Variants in PDCD1LG2 observed in about 807,000 individuals in gnomAD.
PDCD1LG2 encodes the protein programmed cell death 1 ligand 2.
In PDCD1LG2, 32 loss-of-function variants were observed where a neutral mutation model predicts 28.2. That is an observed-to-expected ratio of 1.13 (90% CI 0.86 to 1.52). The LOEUF (loss-of-function observed/expected upper bound fraction) is 1.52, where lower values mean the gene tolerates loss of function less well. Ranked by LOEUF, PDCD1LG2 falls within the 40% of genes most tolerant of loss-of-function variation. PDCD1LG2 has a pLI of 0.00. For missense variants in PDCD1LG2, 385 were observed against 323.8 expected, an observed-to-expected ratio of 1.19 and a Z score of -1.45; for synonymous variants, 116 against 120.2, an observed-to-expected ratio of 0.97 and a Z score of 0.23.
intron 5 of PDCD1LG2, among the ~76,000 whole-genome samples, chr9:5,561,606 C>G (rs934636500): frequency 6.6e-6 from 1 of 152,208 alleles, no homozygotes. Context: ...CATTGACTTG[C>G]TGAGCCAATG....
intron 5 of PDCD1LG2, 70 bp downstream of exon 5, chr9:5,557,822 C>T (rs2129923748): frequency 1.3e-6 from 2 of 1,568,616 alleles, no homozygotes; most frequent in Non-Finnish European, 1.8e-6. Context: ...CTTTGCACTG[C>T]AGGCCTATGG....
intron 3 of PDCD1LG2, 89 bp from the exon 4 acceptor site, chr9:5,549,246 A>C: frequency 1.6e-6 from 2 of 1,234,112 alleles, no homozygotes; most frequent in East Asian, 2.3e-5. Context: ...TGATAGTGAT[A>C]ATTTTATTCA....
At chr9:5,526,420 A>AT (rs924643713) in intron 2 of PDCD1LG2, among the ~76,000 whole-genome samples, 1 of 152,122 alleles carries the variant, frequency 6.6e-6, no homozygotes, top group Non-Finnish European at 1.5e-5. Flanking sequence ...TATGCCCTTT[A>AT]TTTTTACCTT....
intron 6 of PDCD1LG2, among the ~76,000 whole-genome samples, chr9:5,568,490 C>T (rs568200520): frequency 4.6e-5 from 7 of 152,260 alleles, no homozygotes; most frequent in African/African-American, 1.7e-4. Flanking sequence ...GAAACTATAG[C>T]CTACCCCCAC....
chr9:5,525,874 T>C (rs147662134), intron 2 of PDCD1LG2, among the ~76,000 whole-genome samples: 14,633 of 151,612 alleles, frequency 0.097, 893 homozygotes, highest in African/African-American at 0.15. Context: ...TGGTGAAACC[T>C]CGTCTCTACA....
rs564032630 is a variant in PDCD1LG2 at position 5,551,444 on chromosome 9, A to G, written c.631+1840A>G. ...AGGGTAATATAAGAGTATATTATCA[A>G]AGTTGTAGTGTGGACAACAGAAACT... On this transcript the variant is annotated intron_variant, in intron 4 of 6. Transcript: ENST00000397747. Among the ~76,000 whole-genome samples the G allele has an allele frequency of 3.9e-5, 6 of 152,308 alleles. No individual in the cohort carries two copies. The East Asian group carries it at 9.7e-4, about 25-fold the overall frequency.
rs1324834185 is a variant in PDCD1LG2, at chr9:5,569,316, T to C, written c.817-638T>C. On this transcript the variant is annotated intron_variant, in intron 6 of 6. Coordinates refer to ENST00000397747, the MANE Select transcript of PDCD1LG2 (RefSeq NM_025239.4). The surrounding 1 kb of genome is among the most constrained non-coding windows in gnomAD (Gnocchi z 4.1). ...CAAGAGCAGGCAGGGAAGGTGACTA[T>C]TCCTAGGTCTGAAGGAGAAAGGGGA... Among the ~76,000 whole-genome samples the C allele has an allele frequency of 6.6e-6, 1 of 152,116 alleles. No homozygotes were observed. Among genetic ancestry groups the C allele is most frequent in the Non-Finnish European group, 1.5e-5 (1 of 68,010 alleles).
intron 1 of PDCD1LG2, among the ~76,000 whole-genome samples, chr9:5,513,604 G>A (rs144776933): frequency 3.2e-4 from 49 of 152,272 alleles, no homozygotes; most frequent in Non-Finnish European, 5.3e-4. Flanking sequence ...ACTGTTTATT[G>A]CTTAAAAAAT....
chr9:5,555,033 T>C (rs1234928366), intron 4 of PDCD1LG2, among the ~76,000 whole-genome samples: 1 of 152,204 alleles, frequency 6.6e-6, no homozygotes, highest in Non-Finnish European at 1.5e-5. Context: ...ATCTAGCAAG[T>C]TGCATGCCTT....
rs1452161775 is a variant in PDCD1LG2, at chr9:5,549,419, C to T, written c.446C>T (p.Pro149Leu). The change falls in exon 4 of 7, where the codon CCT (proline) becomes CTT (leucine). Residue 149 changes from proline to leucine, a missense_variant. Coordinates refer to ENST00000397747, the MANE Select transcript of PDCD1LG2 (RefSeq NM_025239.4). ...CTCACCTGCCAGGCTACAGGTTATC[C>T]TCTGGCAGAAGTATCCTGGCCAAAC... is the stretch of plus-strand genomic sequence containing the variant. ...VELTCQATGY[P>L]LAEVSWPNVS... The T allele has an allele frequency of 6.2e-7, 1 of 1,614,174 alleles. No individual in the cohort carries two copies. Among genetic ancestry groups the T allele is most frequent in the Middle Eastern group, 1.6e-4 (1 of 6,062 alleles).
At chr9:5,536,284 A>C (rs1820578514) in intron 3 of PDCD1LG2, among the ~76,000 whole-genome samples, 1 of 152,230 alleles carries the variant, frequency 6.6e-6, no homozygotes, top group East Asian at 1.9e-4. Context: ...GATAATGAAC[A>C]TAAAGAACTG....
At chr9:5,553,259 A>G (rs754202919) in intron 4 of PDCD1LG2, among the ~76,000 whole-genome samples, 13 of 152,224 alleles carry the variant, frequency 8.5e-5, no homozygotes, top group Non-Finnish European at 1.5e-4. Context: ...CTCTCTTTAT[A>G]TCATGGTTGA....
chr9:5,569,881 C>A lies in PDCD1LG2; in HGVS notation c.817-73C>A. 1 of 1,503,116 alleles carries A rather than the reference C, an allele frequency of 6.7e-7. No individual in the cohort carries two copies. Among genetic ancestry groups the A allele is most frequent in the South Asian group, 1.2e-5 (1 of 86,662 alleles). 93.1% of individuals were successfully genotyped at this position (1,503,116 alleles called of 1,614,324 possible). ...TTTTTAAAAAAATTAGTTCCTCACT[C>A]AAATTTTGGGGAGGTTATATATTTT... On this transcript the variant is annotated intron_variant, in intron 6 of 6. Transcript: ENST00000397747. The surrounding 1 kb of genome is among the most constrained non-coding windows in gnomAD (Gnocchi z 4.1).
chr9:5,517,348 C>T (rs911032483), intron 1 of PDCD1LG2, among the ~76,000 whole-genome samples: 8 of 152,200 alleles, frequency 5.3e-5, no homozygotes, highest in African/African-American at 1.9e-4. Flanking sequence ...GGCTTAAGGC[C>T]ATTCAGGCTA....
In PDCD1LG2 at chr9:5,570,564, A is replaced by G. The variant is rs1159366203; in HGVS notation, c.*605A>G. The G allele has an allele frequency of 4.3e-6, 1 of 232,862 alleles. No individual in the cohort carries two copies. Among genetic ancestry groups the G allele is most frequent in the Non-Finnish European group, 8.5e-6 (1 of 117,860 alleles). The allele number at this position is 232,862 out of a possible 1,614,324, so 14.4% of individuals were successfully genotyped here. A position where few individuals can be genotyped will look rare whatever the true frequency, so the allele number is the denominator to read the frequency against. On this transcript the variant is annotated 3_prime_UTR_variant, in exon 7 of 7. Transcript: ENST00000397747. ...ACACTAAGTGCACAAATTGTGGAGTAAAGTCATCAAGCTCTGTTTTTGAGG... is the reference window on the plus strand; with the variant it reads ...ACACTAAGTGCACAAATTGTGGAGTGAAGTCATCAAGCTCTGTTTTTGAGG...
At chr9:5,561,677 T>C (rs866829340) in intron 5 of PDCD1LG2, among the ~76,000 whole-genome samples, 22 of 152,218 alleles carry the variant, frequency 1.4e-4, no homozygotes, top group African/African-American at 5.1e-4. Context: ...CTTTAGAACA[T>C]GTCTTCAGAT....
intron 2 of PDCD1LG2, among the ~76,000 whole-genome samples, chr9:5,525,476 A>T (rs1820356212): frequency 6.6e-6 from 1 of 151,644 alleles, no homozygotes; most frequent in Non-Finnish European, 1.5e-5. Context: ...TGGAGAATGG[A>T]TAGAGAAATC....
At chr9:5,533,899 C>A (rs1820530585) in intron 2 of PDCD1LG2, among the ~76,000 whole-genome samples, 1 of 150,646 alleles carries the variant, frequency 6.6e-6, no homozygotes, top group Admixed American at 6.7e-5. Context: ...TTAAAAGTAC[C>A]TAGCACAGTG....
Position 5,510,553 on chromosome 9 carries a change from T to C in PDCD1LG2, c.-265T>C, listed in dbSNP as rs1192046434. 6.5e-6 allele frequency: 1 copy of C among 152,674 alleles called. No individual in the cohort carries two copies. The highest frequency in any genetic ancestry group is 2.4e-5 in the African/African-American group (1 of 41,462). 9.5% of individuals were successfully genotyped at this position (152,674 alleles called of 1,614,324 possible). A position where few individuals can be genotyped will look rare whatever the true frequency, so the allele number is the denominator to read the frequency against. On this transcript the variant is annotated 5_prime_UTR_variant, in exon 1 of 7. Transcript: ENST00000397747. ...CTCACTCTCATGTTACGGCAAACCT[T>C]AAGCTGAATGAACAACTTTTCTTCT...
Sources: allele counts gnomAD v4.1 joint callset (sites outside exome capture counted in the v4.1 genomes callset), GRCh38; gene constraint gnomAD v4.1.1; non-coding constraint Gnocchi (gnomAD v3.1); transcripts MANE v1.5; gene names NCBI Gene and HGNC (gene_info 2026-07-23, HGNC 2026-07-21).